Variants in KCNAB1 observed in about 807,000 individuals in gnomAD.
KCNAB1 encodes the protein voltage-gated potassium channel subunit beta-1.
Under a neutral mutation model 64.6 loss-of-function variants are expected in KCNAB1, and 35 were observed. The observed-to-expected ratio is 0.54, with a 90% CI of 0.41 to 0.72. KCNAB1 has a LOEUF of 0.72. Among genes scored for constraint, KCNAB1 ranks in the 30% least tolerant of loss-of-function variants. The pLI, the probability that KCNAB1 is intolerant of heterozygous loss-of-function variation, is 0.00. For missense variants in KCNAB1, 401 were observed against 512.9 expected (o/e 0.78, Z 2.11); for synonymous variants, 177 against 183.8 (o/e 0.96, Z 0.30).
At chr3:156,459,792 C>T (rs1712756240) in intron 4 of KCNAB1, 35 bp from the exon 5 acceptor site, 1 of 1,538,310 alleles carries the variant, frequency 6.5e-7, no homozygotes, top group East Asian at 2.3e-5. Context: ...TTCCAGGACA[C>T]TGCATTCTAA....
chr3:156,423,279 A>T (rs565643689), intron 2 of KCNAB1, among the ~76,000 whole-genome samples: 1 of 152,320 alleles, frequency 6.6e-6, no homozygotes, highest in Admixed American at 6.5e-5. Flanking sequence ...AGAGGAAAAA[A>T]TGATGCGGAA....
At chr3:156,145,323 T>C (rs73876111) in intron 1 of KCNAB1, among the ~76,000 whole-genome samples, 3,696 of 152,288 alleles carry the variant, frequency 0.024, 164 homozygotes, top group African/African-American at 0.084. Context: ...TCCTGACACA[T>C]TTCTCCATTA....
intron 1 of KCNAB1, among the ~76,000 whole-genome samples, chr3:156,357,128 C>G (rs1387877176): frequency 6.6e-6 from 1 of 151,516 alleles, no homozygotes; most frequent in Non-Finnish European, 1.5e-5. Flanking sequence ...CTCTCTCTCT[C>G]TCTCACACAT....
At chr3:156,374,775 T>C (rs1247623219) in intron 1 of KCNAB1, among the ~76,000 whole-genome samples, 1 of 135,296 alleles carries the variant, frequency 7.4e-6, no homozygotes, top group African/African-American at 3.3e-5. Flanking sequence ...GCTTTCCTTA[T>C]GTATGAAGTG....
rs386398329 is a variant in KCNAB1, at chr3:156,139,584, GTTTTTTTTTTTT to G, written c.275+18713_275+18724del. 6.1e-3 allele frequency among the ~76,000 whole-genome samples: 339 copies of G among 55,278 alleles called. 6 individuals are homozygous for G. The highest frequency in any genetic ancestry group is 0.014 in the African/African-American group (190 of 13,240). The allele number at this position is 55,278 out of a possible 152,430, so 36.3% of individuals were successfully genotyped here. A position where few individuals can be genotyped will look rare whatever the true frequency, so the allele number is the denominator to read the frequency against. ...TTTCTCCCTAACTCCATTGTACTGT[GTTTTTTTTTTTT>G]TTTTTTTTTTTTTTGTTCCCCCTAG... On this transcript the variant is annotated intron_variant, in intron 1 of 13. Coordinates refer to ENST00000490337, the MANE Select transcript of KCNAB1 (RefSeq NM_172160.3).
chr3:156,291,467 T>G (rs1309946036), intron 1 of KCNAB1: 5 of 1,039,688 alleles, frequency 4.8e-6, no homozygotes, highest in Non-Finnish European at 4.6e-6. Context: ...CTGCGCTGAT[T>G]TGAGCCATCG....
At chr3:156,431,641 C>T (rs1020660824) in intron 2 of KCNAB1, among the ~76,000 whole-genome samples, 1 of 152,134 alleles carries the variant, frequency 6.6e-6, no homozygotes, top group Non-Finnish European at 1.5e-5. Flanking sequence ...TCTTTTCAGG[C>T]GTATTGAGTA....
intron 1 of KCNAB1, among the ~76,000 whole-genome samples, chr3:156,221,313 C>A (rs192041683): frequency 6.6e-6 from 1 of 152,118 alleles, no homozygotes; most frequent in Non-Finnish European, 1.5e-5. Flanking sequence ...TTACCTTAGG[C>A]AGTATGGCCA....
intron 12 of KCNAB1, among the ~76,000 whole-genome samples, chr3:156,528,148 C>T (rs1275158428): frequency 2.1e-5 from 3 of 140,634 alleles, no homozygotes; most frequent in Non-Finnish European, 4.5e-5. Context: ...AAATAGTTCT[C>T]AGTGCAAAGC....
chr3:156,258,075 AAG>A (rs1195088720), intron 1 of KCNAB1, among the ~76,000 whole-genome samples: 1 of 152,196 alleles, frequency 6.6e-6, no homozygotes, highest in African/African-American at 2.4e-5. Context: ...GTACAGAAGA[AAG>A]AGAGTCTCTC....
intron 1 of KCNAB1, among the ~76,000 whole-genome samples, chr3:156,391,182 T>G (rs918800956): frequency 6.6e-6 from 1 of 152,178 alleles, no homozygotes; most frequent in African/African-American, 2.4e-5. Context: ...TTCTGGAATT[T>G]GAATACCCAG....
chr3:156,476,917 T>C (rs1377702309), intron 8 of KCNAB1, among the ~76,000 whole-genome samples: 1 of 152,186 alleles, frequency 6.6e-6, no homozygotes, highest in Non-Finnish European at 1.5e-5. Flanking sequence ...TATTTTCCTC[T>C]TTTAGACAGT....
At chr3:156,301,986 T>C (rs1034242197) in intron 1 of KCNAB1, among the ~76,000 whole-genome samples, 2 of 152,234 alleles carry the variant, frequency 1.3e-5, no homozygotes, top group African/African-American at 4.8e-5. Flanking sequence ...AACACAGATG[T>C]ATTATTTCAT....
intron 12 of KCNAB1, among the ~76,000 whole-genome samples, chr3:156,528,347 G>A (rs1406570876): frequency 6.6e-6 from 1 of 152,088 alleles, no homozygotes; most frequent in Non-Finnish European, 1.5e-5. Context: ...ATGTGCTTGG[G>A]GACATCCATC....
chr3:156,327,695 C>G (rs940146907), intron 1 of KCNAB1, among the ~76,000 whole-genome samples: 18 of 152,108 alleles, frequency 1.2e-4, no homozygotes, highest in African/African-American at 4.1e-4. Context: ...GAGAAATATC[C>G]CAGGCACAGA....
intron 1 of KCNAB1, among the ~76,000 whole-genome samples, chr3:156,392,262 G>GTAC (rs1305097839): frequency 6.6e-6 from 1 of 152,156 alleles, no homozygotes; most frequent in Non-Finnish European, 1.5e-5. Context: ...ATCCTCAGGG[G>GTAC]TTACAGCAGT....
chr3:156,155,398 T>G (rs538687620), intron 1 of KCNAB1, among the ~76,000 whole-genome samples: 2 of 152,302 alleles, frequency 1.3e-5, no homozygotes, highest in South Asian at 4.1e-4. Context: ...AAATAAAATT[T>G]ATAATACTTT....
At chr3:156,284,149 T>C (rs1227727249) in intron 1 of KCNAB1, among the ~76,000 whole-genome samples, 1 of 152,192 alleles carries the variant, frequency 6.6e-6, no homozygotes, top group African/African-American at 2.4e-5. Context: ...GTTTTTGGTG[T>C]GGGTGTCCTT....
chr3:156,487,593 T>A (rs1715305562), intron 8 of KCNAB1, among the ~76,000 whole-genome samples: 1 of 152,170 alleles, frequency 6.6e-6, no homozygotes, highest in African/African-American at 2.4e-5. Flanking sequence ...CCAAATATAG[T>A]CAGCTCAGAA....
Sources: gnomAD v4.1 joint callset for allele counts (sites outside exome capture counted in the v4.1 genomes callset) on GRCh38, gnomAD v4.1.1 for gene constraint, MANE v1.5 for transcripts, NCBI Gene and HGNC (gene_info 2026-07-23, HGNC 2026-07-21) for gene names.